The following ALK variants were observed in gnomAD, a reference collection of about 807,000 sequenced individuals.
ALK encodes ALK receptor tyrosine kinase.
A neutral mutation model predicts 163.1 loss-of-function variants in ALK; 74 were observed. That is an observed-to-expected ratio of 0.45 (90% CI 0.38 to 0.55). The LOEUF is 0.55. Ranked by LOEUF, ALK falls within the 20% of genes least tolerant of loss-of-function variation. The pLI, the probability that ALK is intolerant of heterozygous loss-of-function variation, is 0.00. For missense variants in ALK, 2,063 were observed against 2,105.3 expected (o/e 0.98, Z 0.39); for synonymous variants, 960 against 843.2 (o/e 1.14, Z -2.40).
At chr2:29,896,725 C>A (rs1372078711) in intron 1 of ALK, among the ~76,000 whole-genome samples, 3 of 152,172 alleles carry the variant, frequency 2.0e-5, no homozygotes, top group African/African-American at 7.2e-5. Context: ...CACATGATCC[C>A]ATTGGACAAT....
rs183720550 is a variant in ALK, at chr2:29,874,825, G to A, written c.667+45168C>T. On this transcript the variant is annotated intron_variant, in intron 1 of 28. Coordinates refer to ENST00000389048, the MANE Select transcript of ALK (RefSeq NM_004304.5). ...CACCTTGGACTTCACACCAAGATAC[G>A]TCTTTATTCCTAGTGCCCACCTTCC... 3.5e-4 allele frequency among the ~76,000 whole-genome samples: 53 copies of A among 152,238 alleles called. No homozygotes were observed. In the South Asian group the frequency reaches 4.6e-3, roughly 13 times the overall value.
At chr2:29,598,706 G>T (rs1204929235) in intron 3 of ALK, among the ~76,000 whole-genome samples, 1 of 152,098 alleles carries the variant, frequency 6.6e-6, no homozygotes, top group Non-Finnish European at 1.5e-5. Flanking sequence ...AAAAAGAATG[G>T]AAGGAAATGC....
intron 1 of ALK, among the ~76,000 whole-genome samples, chr2:29,864,793 T>C (rs1331310690): frequency 6.6e-6 from 1 of 152,190 alleles, no homozygotes; most frequent in Non-Finnish European, 1.5e-5. Flanking sequence ...CCTCTAATGA[T>C]GGGAGAGTCT....
At chr2:29,357,217 T>C (rs573785220) in intron 5 of ALK, among the ~76,000 whole-genome samples, 1 of 152,364 alleles carries the variant, frequency 6.6e-6, no homozygotes, top group East Asian at 1.9e-4. Flanking sequence ...AGCTTGGTCC[T>C]TCACTAGGAC....
intron 3 of ALK, chr2:29,681,245 G>C (rs1179465024): frequency 6.6e-6 from 1 of 152,190 alleles, no homozygotes; most frequent in African/African-American, 2.4e-5. Context: ...CTACAGCTCA[G>C]AACTCCGGGG....
At chr2:29,264,277 C>G (rs1366335442) in intron 11 of ALK, among the ~76,000 whole-genome samples, 1 of 152,220 alleles carries the variant, frequency 6.6e-6, no homozygotes, top group East Asian at 1.9e-4. Context: ...CTAGGCCACA[C>G]CAGCCTAGAG....
intron 4 of ALK, among the ~76,000 whole-genome samples, chr2:29,489,812 A>G (rs1671858458): frequency 6.6e-6 from 1 of 152,246 alleles, no homozygotes; most frequent in South Asian, 2.1e-4. Context: ...TCTGAAGGAC[A>G]TGGCACTAGA....
chr2:29,550,404 T>C (rs991597109), intron 3 of ALK, among the ~76,000 whole-genome samples: 1 of 152,194 alleles, frequency 6.6e-6, no homozygotes, highest in Non-Finnish European at 1.5e-5. Flanking sequence ...GCAGCTGGAC[T>C]CTGTTTGAGA....
At chr2:29,640,019 A>G (rs1676655199) in intron 3 of ALK, among the ~76,000 whole-genome samples, 1 of 152,146 alleles carries the variant, frequency 6.6e-6, no homozygotes, top group South Asian at 2.1e-4. Context: ...TTTTAAACAT[A>G]TGGTGGAGGG....
Position 29,920,566 on chromosome 2 carries a change from G to C in ALK, c.94C>G (p.Pro32Ala), listed in dbSNP as rs573276657. ...GMGTGQRAGSPAAGPPLQPRE... is the reference protein window; with the variant it reads ...GMGTGQRAGSAAAGPPLQPRE... ...GGCTGCAGCGGCGGCCCCGCAGCTG[G>C]GGAGCCCGCGCGCTGGCCGGTCCCC... The change falls in exon 1 of 29, where the codon CCA (proline) becomes GCA (alanine). Residue 32 changes from proline to alanine, a missense_variant. Physicochemically the swap from Pro to Ala is conservative, Grantham distance 27 (BLOSUM62 -1). Transcript: ENST00000389048. 8.2e-6 allele frequency: 13 copies of C among 1,594,076 alleles called. No individual in the cohort carries two copies. The Admixed American group carries it at 2.2e-4, about 27-fold the overall frequency.
intron 6 of ALK, among the ~76,000 whole-genome samples, chr2:29,321,714 C>A (rs1309076891): frequency 6.6e-6 from 1 of 152,186 alleles, no homozygotes; most frequent in African/African-American, 2.4e-5. Context: ...CACCCACACC[C>A]TCATTGGACG....
At chr2:29,791,832 T>C (rs1050380582) in intron 1 of ALK, among the ~76,000 whole-genome samples, 1 of 152,196 alleles carries the variant, frequency 6.6e-6, no homozygotes, top group African/African-American at 2.4e-5. Flanking sequence ...TCATTCATCA[T>C]CAATTAATAA....
intron 2 of ALK, among the ~76,000 whole-genome samples, chr2:29,705,071 A>T (rs1678856663): frequency 6.6e-6 from 1 of 150,850 alleles, no homozygotes; most frequent in African/African-American, 2.4e-5. Flanking sequence ...TACAAAAATT[A>T]GCCAAGCGTG....
In ALK at chr2:29,226,909, C is replaced by T. The variant is rs2148178236; in HGVS notation, c.3067+13G>A. ...TATGGGCCCCTCTGCCTCCCCTGGCCCTGCCCCCTTACCAATGCAGGAGAC... is the reference window on the plus strand; with the variant it reads ...TATGGGCCCCTCTGCCTCCCCTGGCTCTGCCCCCTTACCAATGCAGGAGAC... On this transcript the variant is annotated intron_variant, in intron 18 of 28. Coordinates refer to ENST00000389048, the MANE Select transcript of ALK (RefSeq NM_004304.5). The T allele has an allele frequency of 6.2e-7, 1 of 1,614,058 alleles. No individual in the cohort carries two copies. Among genetic ancestry groups the T allele is most frequent in the Non-Finnish European group, 8.5e-7 (1 of 1,180,026 alleles).
chr2:29,256,384 A>G (rs1445852259), intron 11 of ALK, among the ~76,000 whole-genome samples: 1 of 152,096 alleles, frequency 6.6e-6, no homozygotes, highest in East Asian at 1.9e-4. Context: ...CACATGCAGG[A>G]AATGCCGTTA....
intron 4 of ALK, among the ~76,000 whole-genome samples, chr2:29,396,845 T>TTTTTTTTTC (rs1669322181): frequency 7.5e-6 from 1 of 133,646 alleles, no homozygotes; most frequent in Admixed American, 7.6e-5. Context: ...GGTTTTTTTT[T>TTTTTTTTTC]TTTTTTTTTT....
chr2:29,913,588 TA>T (rs1558546281), intron 1 of ALK, among the ~76,000 whole-genome samples: 2 of 152,188 alleles, frequency 1.3e-5, no homozygotes, highest in East Asian at 3.9e-4. Flanking sequence ...CCACACGCCT[TA>T]TTTTTTATCT....
At chr2:29,309,663 G>A (rs1666643106) in intron 8 of ALK, among the ~76,000 whole-genome samples, 1 of 150,482 alleles carries the variant, frequency 6.6e-6, no homozygotes, top group Non-Finnish European at 1.5e-5. Context: ...TCATTTGTTG[G>A]GTCCTCGAGA....
At chr2:29,407,404 T>C (rs1280538751) in intron 4 of ALK, among the ~76,000 whole-genome samples, 1 of 152,254 alleles carries the variant, frequency 6.6e-6, no homozygotes, top group Non-Finnish European at 1.5e-5. Context: ...TTATCTCATT[T>C]AACATTCGCC....
Sources: allele counts gnomAD v4.1 joint callset (sites outside exome capture counted in the v4.1 genomes callset), GRCh38; gene constraint gnomAD v4.1.1; transcripts MANE v1.5; gene names NCBI Gene and HGNC (gene_info 2026-07-23, HGNC 2026-07-21).